The following HYCC1 variants were observed in gnomAD, a reference collection of about 807,000 sequenced individuals.
HYCC1 encodes the protein hyccin PI4KA lipid kinase complex subunit 1.
chr7:22,973,013 T>C, the HYCC1 span, among the ~76,000 whole-genome samples: 1 of 152,356 alleles, frequency 6.6e-6, no homozygotes, highest in East Asian at 1.9e-4. Context: ...TCTGGTTGTA[T>C]TTATGTATCC....
At chr7:22,940,812 T>C in the HYCC1 span, 1 of 151,042 alleles carries the variant, frequency 6.6e-6, no homozygotes, top group Non-Finnish European at 1.5e-5. Context: ...TCTTTCTTCT[T>C]CTTTTGCTTT....
At chr7:22,955,832 G>A in the HYCC1 span, among the ~76,000 whole-genome samples, 1 of 151,536 alleles carries the variant, frequency 6.6e-6, no homozygotes, top group Non-Finnish European at 1.5e-5. Context: ...TAGCTGAAAT[G>A]GTAGATGATG....
At chr7:22,993,931 G>A in the HYCC1 span, among the ~76,000 whole-genome samples, 1 of 152,140 alleles carries the variant, frequency 6.6e-6, no homozygotes, top group Non-Finnish European at 1.5e-5. Context: ...GAGGACATAT[G>A]TTCTCTGAAA....
At chr7:22,979,331 T>C in the HYCC1 span, among the ~76,000 whole-genome samples, 2 of 152,198 alleles carry the variant, frequency 1.3e-5, no homozygotes, top group East Asian at 1.9e-4. Flanking sequence ...GTCTTTCCTA[T>C]TGAAAAATTA....
the HYCC1 span, among the ~76,000 whole-genome samples, chr7:22,953,916 C>A: frequency 1.3e-5 from 2 of 151,522 alleles, no homozygotes; most frequent in Non-Finnish European, 3.0e-5. Context: ...TTTTTATTTT[C>A]TAAATTTCCT....
chr7:23,001,463 G>A, the HYCC1 span, among the ~76,000 whole-genome samples: 1 of 151,966 alleles, frequency 6.6e-6, no homozygotes, highest in Non-Finnish European at 1.5e-5. Flanking sequence ...AATTTACTCT[G>A]GTTTACTCTT....
chr7:22,926,032 A>G, the HYCC1 span, among the ~76,000 whole-genome samples: 2 of 152,256 alleles, frequency 1.3e-5, no homozygotes, highest in Non-Finnish European at 2.9e-5. Flanking sequence ...AATATTCAAC[A>G]TTCTTAAAGA....
chr7:22,897,899 GC>G, the HYCC1 span, among the ~76,000 whole-genome samples: 6 of 152,070 alleles, frequency 3.9e-5, no homozygotes, highest in African/African-American at 1.4e-4. Context: ...CTCCCAAAGT[GC>G]TGGGATTACA....
the HYCC1 span, among the ~76,000 whole-genome samples, chr7:22,930,387 G>GAAAAAAAAAAAA: frequency 2.0e-5 from 2 of 98,788 alleles, no homozygotes; most frequent in Admixed American, 1.0e-4. Flanking sequence ...AAAAGAAAAA[G>GAAAAAAAAAAAA]AAAAAGAAAA....
the HYCC1 span, among the ~76,000 whole-genome samples, chr7:22,997,659 G>C: frequency 6.6e-6 from 1 of 152,252 alleles, no homozygotes; most frequent in East Asian, 1.9e-4. Context: ...TATATGTGCT[G>C]TTGCTTAAAA....
At chr7:22,903,038 G>A in the HYCC1 span, among the ~76,000 whole-genome samples, 1 of 152,128 alleles carries the variant, frequency 6.6e-6, no homozygotes, top group African/African-American at 2.4e-5. Context: ...ACACATACTA[G>A]AATAGCTAGA....
chr7:22,914,709 G>A, the HYCC1 span, among the ~76,000 whole-genome samples: 43 of 151,896 alleles, frequency 2.8e-4, no homozygotes, highest in Middle Eastern at 3.4e-3. Flanking sequence ...TGTTCCTTCG[G>A]TCTCCACCTC....
At chr7:22,997,893 C>G in the HYCC1 span, among the ~76,000 whole-genome samples, 1 of 152,210 alleles carries the variant, frequency 6.6e-6, no homozygotes, top group African/African-American at 2.4e-5. Flanking sequence ...GCTAAACCAT[C>G]TTTTGCCTAC....
At chr7:22,924,314 G>A in the HYCC1 span, among the ~76,000 whole-genome samples, 1 of 152,146 alleles carries the variant, frequency 6.6e-6, no homozygotes, top group East Asian at 1.9e-4. Flanking sequence ...TCATCTCACT[G>A]GGGAGTGCCG....
chr7:22,946,132 CA>C, the HYCC1 span: 1 of 1,613,166 alleles, frequency 6.2e-7, no homozygotes, highest in Non-Finnish European at 8.5e-7. Flanking sequence ...ATATCTCCAT[CA>C]GTTCTTCTTG....
chr7:23,004,912 T>G, the HYCC1 span, among the ~76,000 whole-genome samples: 1 of 152,134 alleles, frequency 6.6e-6, no homozygotes, highest in Non-Finnish European at 1.5e-5. Context: ...TTCAAGCGAT[T>G]CTCCTGCCTC....
the HYCC1 span, among the ~76,000 whole-genome samples, chr7:22,904,417 C>T: frequency 1.3e-4 from 17 of 133,326 alleles, no homozygotes; most frequent in South Asian, 2.5e-4. Context: ...GGCAACAGAG[C>T]GAGACTCTGT....
chr7:22,990,019 G>C, the HYCC1 span, among the ~76,000 whole-genome samples: 7 of 152,150 alleles, frequency 4.6e-5, no homozygotes, highest in African/African-American at 1.7e-4. Flanking sequence ...CTCTTGCCTA[G>C]AGCATCGAAG....
the HYCC1 span, among the ~76,000 whole-genome samples, chr7:22,931,408 A>G: frequency 1.3e-5 from 2 of 152,122 alleles, no homozygotes; most frequent in South Asian, 2.1e-4. Flanking sequence ...GTTTGAGGTA[A>G]TTTGTTACAG....
Sources: gnomAD v4.1 joint callset for allele counts (sites outside exome capture counted in the v4.1 genomes callset) on GRCh38, gnomAD v4.1.1 for gene constraint, MANE v1.5 for transcripts, NCBI Gene and HGNC (gene_info 2026-07-23, HGNC 2026-07-21) for gene names.